CDC42: variants seen among roughly 807,000 people sequenced by gnomAD.
CDC42 encodes cell division control protein 42 homolog.
In CDC42, 1 loss-of-function variant was observed where a neutral mutation model predicts 20.8. That is an observed-to-expected ratio of 0.05 (90% CI 0.02 to 0.23). CDC42 has a LOEUF of 0.23. Among genes scored for constraint, CDC42 ranks in the 10% least tolerant of loss-of-function variants. CDC42 has a pLI of 1.00. For synonymous variants in CDC42, 72 were observed against 84.8 expected, an observed-to-expected ratio of 0.85 and a Z score of 0.83; for missense variants, 49 against 227.9, an observed-to-expected ratio of 0.21 and a Z score of 5.05.
At position 22,096,669 on chromosome 1, in the gene CDC42, C is replaced by T. The variant is rs902895807; in HGVS notation, c.*5152C>T. 3.9e-5 allele frequency among the ~76,000 whole-genome samples: 6 copies of T among 152,220 alleles called. No homozygotes were observed. Among genetic ancestry groups the T allele is most frequent in the African/African-American group, 7.2e-5 (3 of 41,450 alleles). On this transcript the variant is annotated 3_prime_UTR_variant, in exon 6 of 6. Transcript: ENST00000656825. ...CACTGTATTCTGTGTGCCTGTGCCG[C>T]GGTGCAGGTGGTCAGTTGGAACCCC...
At chr1:22,074,642 A>G (rs997659132) in intron 1 of CDC42, among the ~76,000 whole-genome samples, 1 of 151,330 alleles carries the variant, frequency 6.6e-6, no homozygotes, top group Non-Finnish European at 1.5e-5. Context: ...CTGGTCTTGA[A>G]CTCCTCAGCT....
In CDC42 at chr1:22,096,653, C is replaced by G. The variant is rs1008544238; in HGVS notation, c.*5136C>G. 6.6e-6 allele frequency among the ~76,000 whole-genome samples: 1 copy of G among 152,226 alleles called. No individual in the cohort carries two copies. Among genetic ancestry groups the G allele is most frequent in the Non-Finnish European group, 1.5e-5 (1 of 68,048 alleles). ...GGGTGCTTCATCCACTCACTGTATT[C>G]TGTGTGCCTGTGCCGCGGTGCAGGT... On this transcript the variant is annotated 3_prime_UTR_variant, in exon 6 of 6. Coordinates refer to ENST00000656825, the MANE Select transcript of CDC42 (RefSeq NM_001791.4).
rs562112409 is a variant in CDC42, at chr1:22,096,374, A to T, written c.*4857A>T. Among the ~76,000 whole-genome samples the T allele has an allele frequency of 2.6e-5, 4 of 152,182 alleles. No individual in the cohort carries two copies. The East Asian group carries it at 7.7e-4, about 29-fold the overall frequency. On this transcript the variant is annotated 3_prime_UTR_variant, in exon 6 of 6. Transcript: ENST00000656825. ...AGATGTCTCCTGACTTCTACTTGGA[A>T]TTTTCTTTCCCTTACAGTTTTGATA... is the stretch of plus-strand genomic sequence containing the variant.
intron 1 of CDC42, among the ~76,000 whole-genome samples, chr1:22,053,789 C>T (rs1358290640): frequency 1.3e-5 from 2 of 152,164 alleles, no homozygotes; most frequent in Non-Finnish European, 2.9e-5. Flanking sequence ...AAGCTTGTTA[C>T]TTGTGTTCAT....
At chr1:22,072,312 T>C (rs1315783497) in intron 1 of CDC42, among the ~76,000 whole-genome samples, 6 of 151,976 alleles carry the variant, frequency 3.9e-5, no homozygotes, top group African/African-American at 1.5e-4. Context: ...TTAGCCAGAA[T>C]GGTCTCGATC....
intron 5 of CDC42, among the ~76,000 whole-genome samples, chr1:22,087,637 G>A (rs1645674324): frequency 6.6e-6 from 1 of 152,194 alleles, no homozygotes; most frequent in Non-Finnish European, 1.5e-5. Context: ...TAGCACAAAA[G>A]TTTTATGTTC....
Position 22,093,422 on chromosome 1 carries a change from C to G in CDC42, c.*1905C>G, listed in dbSNP as rs748215404. Among the ~76,000 whole-genome samples, 1 of 152,212 alleles carries G rather than the reference C, an allele frequency of 6.6e-6. No individual in the cohort carries two copies. The highest frequency in any genetic ancestry group is 1.5e-5 in the Non-Finnish European group (1 of 68,036). On this transcript the variant is annotated 3_prime_UTR_variant, in exon 6 of 6. Coordinates refer to ENST00000656825, the MANE Select transcript of CDC42 (RefSeq NM_001791.4). ...GTTGGTTATCTCAAACTACTACTAT[C>G]AGAATACAGGTTCTGTGCTGCGAAT... is the stretch of plus-strand genomic sequence containing the variant.
At chr1:22,087,180 ATT>A (rs1293234218) in intron 5 of CDC42, among the ~76,000 whole-genome samples, 1 of 147,118 alleles carries the variant, frequency 6.8e-6, no homozygotes, top group South Asian at 2.2e-4. Flanking sequence ...GATGTGAATG[ATT>A]TTTTTTTTTT....
At chr1:22,058,014 C>A (rs551319163) in intron 1 of CDC42, among the ~76,000 whole-genome samples, 1 of 152,138 alleles carries the variant, frequency 6.6e-6, no homozygotes, top group African/African-American at 2.4e-5. Context: ...AGGCGTGAGC[C>A]GCTGCATTCC....
At chr1:22,086,400 C>A in intron 3 of CDC42, 39 bp from the exon 4 acceptor site, 2 of 1,370,826 alleles carry the variant, frequency 1.5e-6, no homozygotes, top group South Asian at 1.3e-5. Flanking sequence ...CACCAAGATT[C>A]AGTTGCTGAA....
chr1:22,089,600 A>T (rs1224207270), intron 5 of CDC42, among the ~76,000 whole-genome samples: 1 of 152,240 alleles, frequency 6.6e-6, no homozygotes, highest in East Asian at 1.9e-4. Context: ...AACACATAGC[A>T]TGCCTGTTAG....
chr1:22,062,856 A>G (rs921044472), intron 1 of CDC42, among the ~76,000 whole-genome samples: 5 of 152,016 alleles, frequency 3.3e-5, no homozygotes, highest in African/African-American at 1.2e-4. Flanking sequence ...TTGTCCTTAA[A>G]CACTCCACCT....
At chr1:22,053,818 T>C (rs1645265424) in intron 1 of CDC42, among the ~76,000 whole-genome samples, 1 of 152,212 alleles carries the variant, frequency 6.6e-6, no homozygotes, top group African/African-American at 2.4e-5. Flanking sequence ...TCAGTGCACC[T>C]AAAAGCTAGG....
At chr1:22,089,909 G>T in intron 5 of CDC42, 1 of 1,606,332 alleles carries the variant, frequency 6.2e-7, no homozygotes, top group Non-Finnish European at 8.5e-7. Context: ...CTCTAACCTG[G>T]CTGCTATTCT....
intron 1 of CDC42, among the ~76,000 whole-genome samples, chr1:22,067,437 C>T (rs969713007): frequency 6.6e-6 from 1 of 152,140 alleles, no homozygotes; most frequent in African/African-American, 2.4e-5. Context: ...GTGCTCTCAG[C>T]TCACTGCAAC....
intron 3 of CDC42, among the ~76,000 whole-genome samples, chr1:22,083,635 GTGTGATGCAT>G (rs1336239067): frequency 6.6e-6 from 1 of 152,016 alleles, no homozygotes; most frequent in Non-Finnish European, 1.5e-5. Flanking sequence ...TAAGTGTTCA[GTGTGATGCAT>G]TTTGCTGACC....
At chr1:22,070,624 C>G (rs1376669191) in intron 1 of CDC42, among the ~76,000 whole-genome samples, 1 of 151,904 alleles carries the variant, frequency 6.6e-6, no homozygotes, top group African/African-American at 2.4e-5. Context: ...CCACCACGCC[C>G]AGCTGATTTT....
chr1:22,094,304 T>C lies in CDC42; in HGVS notation c.*2787T>C, dbSNP rs1257561639. Among the ~76,000 whole-genome samples the C allele has an allele frequency of 1.9e-5, 1 of 52,068 alleles. No individual in the cohort carries two copies. The highest frequency in any genetic ancestry group is 2.4e-4 in the Admixed American group (1 of 4,220). 34.2% of individuals were successfully genotyped at this position (52,068 alleles called of 152,430 possible). A position where few individuals can be genotyped will look rare whatever the true frequency, so the allele number is the denominator to read the frequency against. On this transcript the variant is annotated 3_prime_UTR_variant, in exon 6 of 6. Transcript: ENST00000656825. Reference sequence around the variant, plus strand: ...ACATCCTAGAAATAGATTTTTTTTTTTTTTTTTTTTTGAGACGGAGTCTCG... The same window carrying C: ...ACATCCTAGAAATAGATTTTTTTTTCTTTTTTTTTTTGAGACGGAGTCTCG...
At chr1:22,090,216 C>T (rs1311999134) in intron 5 of CDC42, 1 of 1,273,474 alleles carries the variant, frequency 7.9e-7, no homozygotes, top group Non-Finnish European at 1.0e-6. Flanking sequence ...TTTTTGTGAT[C>T]AGTAGTCAAG....
Sources: allele counts gnomAD v4.1 joint callset (sites outside exome capture counted in the v4.1 genomes callset), GRCh38; gene constraint gnomAD v4.1.1; transcripts MANE v1.5; gene names NCBI Gene and HGNC (gene_info 2026-07-23, HGNC 2026-07-21).